The following C21orf91 variants were observed in gnomAD, a reference collection of about 807,000 sequenced individuals.
C21orf91 encodes the protein chromosome 21 open reading frame 91.
A neutral mutation model predicts 32.9 loss-of-function variants in C21orf91; 26 were observed. The observed-to-expected ratio is 0.79, with a 90% CI of 0.58 to 1.10. The LOEUF is 1.10. C21orf91 is among the 50% of genes least tolerant of loss of function. The pLI, the probability that C21orf91 is intolerant of heterozygous loss-of-function variation, is 0.00. For synonymous variants in C21orf91, 126 were observed against 120.4 expected, an observed-to-expected ratio of 1.05 and a Z score of -0.31; for missense variants, 310 against 341.3, an observed-to-expected ratio of 0.91 and a Z score of 0.72.
chr21:17,806,642 T>C (rs1277862919), intron 2 of C21orf91, among the ~76,000 whole-genome samples: 1 of 152,092 alleles, frequency 6.6e-6, no homozygotes, highest in Non-Finnish European at 1.5e-5. Flanking sequence ...GAGTTTGAGT[T>C]CAGCCTGGCC....
intron 2 of C21orf91, among the ~76,000 whole-genome samples, chr21:17,814,420 C>A (rs563455037): frequency 6.6e-6 from 1 of 152,284 alleles, no homozygotes; most frequent in Admixed American, 6.5e-5. Flanking sequence ...ATCTGAGAAG[C>A]AGACAATTTA....
At chr21:17,810,389 A>C (rs1172149910) in intron 2 of C21orf91, 2 of 152,222 alleles carry the variant, frequency 1.3e-5, no homozygotes, top group South Asian at 2.1e-4. Context: ...ATATGTTCTA[A>C]ATATTTCTAA....
intron 2 of C21orf91, among the ~76,000 whole-genome samples, chr21:17,809,324 T>C (rs554447540): frequency 1.3e-5 from 2 of 152,364 alleles, no homozygotes; most frequent in South Asian, 4.1e-4. Context: ...AAGTATTTTC[T>C]ACTGTCTAAA....
At chr21:17,812,008 C>T (rs1351054408) in intron 2 of C21orf91, among the ~76,000 whole-genome samples, 14 of 151,886 alleles carry the variant, frequency 9.2e-5, no homozygotes, top group Admixed American at 9.2e-4. Context: ...TTAAACGCAC[C>T]CTAGACACCC....
At position 17,818,330 on chromosome 21, in the gene C21orf91, TAAG is replaced by T. The variant is rs2062678940; in HGVS notation, c.-7-8_-7-6del. 1 of 1,596,368 alleles carries T rather than the reference TAAG, an allele frequency of 6.3e-7. No individual in the cohort carries two copies. The highest frequency in any genetic ancestry group is 1.4e-5 in the African/African-American group (1 of 74,016). On this transcript the variant is annotated splice_region_variant and splice_polypyrimidine_tract_variant and intron_variant, in intron 1 of 4. Coordinates refer to ENST00000284881, the MANE Select transcript of C21orf91 (RefSeq NM_001100420.2). ...TCCTCTTCGTTCATAGTGCCCCTATTAAGAAACAGAAAAGGAAAGTTACACAAT... is the reference window on the plus strand; with the variant it reads ...TCCTCTTCGTTCATAGTGCCCCTATTAAACAGAAAAGGAAAGTTACACAAT...
chr21:17,812,118 A>C (rs555778894), intron 2 of C21orf91, among the ~76,000 whole-genome samples: 110 of 152,310 alleles, frequency 7.2e-4, no homozygotes, highest in African/African-American at 2.5e-3. Context: ...TGTTAGTTAA[A>C]TCACAAGTCT....
intron 1 of C21orf91, chr21:17,818,861 G>A (rs1452212804): frequency 1.3e-5 from 2 of 152,338 alleles, no homozygotes; most frequent in African/African-American, 4.8e-5. Context: ...CGAATACCCG[G>A]GGAGGGCGTC....
At chr21:17,804,294 G>A (rs1163089911) in intron 2 of C21orf91, among the ~76,000 whole-genome samples, 1 of 152,206 alleles carries the variant, frequency 6.6e-6, no homozygotes, top group African/African-American at 2.4e-5. Flanking sequence ...GACTAAAAGT[G>A]GGAAGGCAAG....
Position 17,792,698 on chromosome 21 carries a change from G to C in C21orf91, c.*717C>G, listed in dbSNP as rs1265445044. ...GTCTTTTCTTCCTGAACTAAGAACT[G>C]CTTTTGTTAGAAAACAAAATAATGT... On this transcript the variant is annotated 3_prime_UTR_variant, in exon 5 of 5. Transcript: ENST00000284881. 6.6e-6 allele frequency: 1 copy of C among 152,320 alleles called. No individual in the cohort carries two copies. Among genetic ancestry groups the C allele is most frequent in the East Asian group, 1.9e-4 (1 of 5,192 alleles). The allele number at this position is 152,320 out of a possible 1,614,324, so 9.4% of individuals were successfully genotyped here.
chr21:17,791,611 A>T lies in C21orf91; in HGVS notation c.*1804T>A, dbSNP rs1214533658. The T allele has an allele frequency of 6.6e-6, 1 of 152,216 alleles. No homozygotes were observed. The highest frequency in any genetic ancestry group is 6.5e-5 in the Admixed American group (1 of 15,278). 9.4% of individuals were successfully genotyped at this position (152,216 alleles called of 1,614,324 possible). A position where few individuals can be genotyped will look rare whatever the true frequency, so the allele number is the denominator to read the frequency against. ...TTACTGAATTACGCCAAAAAAGAGT[A>T]AAGTCAAATTTGAAAATGTGGGAAC... On this transcript the variant is annotated 3_prime_UTR_variant, in exon 5 of 5. Transcript: ENST00000284881.
At chr21:17,805,574 A>G (rs1402359038) in intron 2 of C21orf91, among the ~76,000 whole-genome samples, 1 of 152,184 alleles carries the variant, frequency 6.6e-6, no homozygotes. Context: ...TCGGCCTCCC[A>G]AAGTGCTGGG....
At chr21:17,812,513 T>G (rs946164670) in intron 2 of C21orf91, among the ~76,000 whole-genome samples, 1 of 152,182 alleles carries the variant, frequency 6.6e-6, no homozygotes, top group Non-Finnish European at 1.5e-5. Context: ...ATAACTTTTG[T>G]AAGAAACCAC....
In C21orf91 at chr21:17,789,762, A is replaced by C. The variant is rs2062458419; in HGVS notation, c.*3653T>G. On this transcript the variant is annotated 3_prime_UTR_variant, in exon 5 of 5. Coordinates refer to ENST00000284881, the MANE Select transcript of C21orf91 (RefSeq NM_001100420.2). ...AAGCATTATAGCCCTCCTCCAAGTT[A>C]CCTTTATTTTGTGTGAGGGCTCTAG... is the stretch of plus-strand genomic sequence containing the variant. 6.6e-6 allele frequency: 1 copy of C among 152,034 alleles called. No homozygotes were observed. Among genetic ancestry groups the C allele is most frequent in the Non-Finnish European group, 1.5e-5 (1 of 67,944 alleles). The allele number at this position is 152,034 out of a possible 1,614,324, so 9.4% of individuals were successfully genotyped here. A position where few individuals can be genotyped will look rare whatever the true frequency, so the allele number is the denominator to read the frequency against.
At position 17,791,941 on chromosome 21, in the gene C21orf91, G is replaced by C. The variant is rs555925665; in HGVS notation, c.*1474C>G. 6.6e-6 allele frequency: 1 copy of C among 152,260 alleles called. No individual in the cohort carries two copies. Among genetic ancestry groups the C allele is most frequent in the South Asian group, 2.1e-4 (1 of 4,828 alleles). The allele number at this position is 152,260 out of a possible 1,614,324, so 9.4% of individuals were successfully genotyped here. A position where few individuals can be genotyped will look rare whatever the true frequency, so the allele number is the denominator to read the frequency against. On this transcript the variant is annotated 3_prime_UTR_variant, in exon 5 of 5. Coordinates refer to ENST00000284881, the MANE Select transcript of C21orf91 (RefSeq NM_001100420.2). ...AAAAGTTGTTTTCAATTAAACTGAAGTGTTTCTTTGCTTAAATACTTTCTT... is the reference window on the plus strand; with the variant it reads ...AAAAGTTGTTTTCAATTAAACTGAACTGTTTCTTTGCTTAAATACTTTCTT...
chr21:17,797,363 G>A (rs923631146), intron 2 of C21orf91, among the ~76,000 whole-genome samples: 1 of 151,884 alleles, frequency 6.6e-6, no homozygotes, highest in Admixed American at 6.6e-5. Context: ...TTTAATCCTA[G>A]TCTAGAGATG....
rs761834550 is a variant in C21orf91 at position 17,793,401 on chromosome 21, T to C, written c.*14A>G. ...CCAATAAAGGGCAGGGCATACGAAG[T>C]AAGTCTGTTTAGGTCAGTTGTTTAT... On this transcript the variant is annotated 3_prime_UTR_variant, in exon 5 of 5. Coordinates refer to ENST00000284881, the MANE Select transcript of C21orf91 (RefSeq NM_001100420.2). The C allele has an allele frequency of 6.4e-7, 1 of 1,559,586 alleles. No homozygotes were observed. Among genetic ancestry groups the C allele is most frequent in the African/African-American group, 1.4e-5 (1 of 73,464 alleles).
chr21:17,793,090 C>G lies in C21orf91; in HGVS notation c.*325G>C, dbSNP rs999891282. Reference sequence around the variant, plus strand: ...TAAAAATTATCTCTAGTAGTTTACACTAAGGAGTTAATCTGTTGTTTTGAC... The same window carrying G: ...TAAAAATTATCTCTAGTAGTTTACAGTAAGGAGTTAATCTGTTGTTTTGAC... On this transcript the variant is annotated 3_prime_UTR_variant, in exon 5 of 5. Coordinates refer to ENST00000284881, the MANE Select transcript of C21orf91 (RefSeq NM_001100420.2). 6.1e-6 allele frequency: 1 copy of G among 164,992 alleles called. No individual in the cohort carries two copies. Among genetic ancestry groups the G allele is most frequent in the Non-Finnish European group, 1.3e-5 (1 of 76,674 alleles). 10.2% of individuals were successfully genotyped at this position (164,992 alleles called of 1,614,324 possible).
intron 2 of C21orf91, chr21:17,809,006 T>G (rs2062616084): frequency 6.6e-6 from 1 of 152,488 alleles, no homozygotes; most frequent in Non-Finnish European, 1.5e-5. Context: ...TCTCTCTCTC[T>G]TCCTCCTTCT....
In C21orf91 at chr21:17,792,618, A is replaced by C. The variant is rs777461741; in HGVS notation, c.*797T>G. 6 of 152,210 alleles carry C rather than the reference A, an allele frequency of 3.9e-5. No homozygotes were observed. Among genetic ancestry groups the C allele is most frequent in the African/African-American group, 7.2e-5 (3 of 41,458 alleles). 9.4% of individuals were successfully genotyped at this position (152,210 alleles called of 1,614,324 possible). On this transcript the variant is annotated 3_prime_UTR_variant, in exon 5 of 5. Coordinates refer to ENST00000284881, the MANE Select transcript of C21orf91 (RefSeq NM_001100420.2). ...ACTGGTGTGAAGCTAATAATGAAAGAAGCAAGAGGAGGCTTTCATTTCTAT... is the reference window on the plus strand; with the variant it reads ...ACTGGTGTGAAGCTAATAATGAAAGCAGCAAGAGGAGGCTTTCATTTCTAT...
Sources: allele counts gnomAD v4.1 joint callset (sites outside exome capture counted in the v4.1 genomes callset), GRCh38; gene constraint gnomAD v4.1.1; transcripts MANE v1.5; gene names NCBI Gene and HGNC (gene_info 2026-07-23, HGNC 2026-07-21).